COQ10B: variants seen among roughly 807,000 people sequenced by gnomAD.
The protein encoded by COQ10B is coenzyme Q10B.
A neutral mutation model predicts 27.6 loss-of-function variants in COQ10B; 12 were observed. The observed-to-expected ratio is 0.43, with a 90% CI of 0.28 to 0.70. The LOEUF is 0.70. Ranked by LOEUF, COQ10B falls within the 30% of genes least tolerant of loss-of-function variation. The probability of loss-of-function intolerance (pLI) is 0.17; values close to 1 mark genes in which losing one functional copy is unlikely to be tolerated. For synonymous variants in COQ10B, 115 were observed against 103.0 expected (o/e 1.12, Z -0.71); for missense variants, 278 against 288.7 (o/e 0.96, Z 0.27).
At chr2:197,454,284 G>T (rs2085671973) in intron 1 of COQ10B, 1 of 635,704 alleles carries the variant, frequency 1.6e-6, no homozygotes, top group Non-Finnish European at 2.6e-6. Flanking sequence ...TGGAGATGGA[G>T]GTCGGGACAC....
intron 4 of COQ10B, 55 bp from the exon 5 acceptor site, chr2:197,473,702 A>G: frequency 1.5e-6 from 2 of 1,302,320 alleles, no homozygotes; most frequent in Non-Finnish European, 2.0e-6. Flanking sequence ...AACCAAAAAA[A>G]AAAAAAAAGC....
At position 197,453,804 on chromosome 2, in the gene COQ10B, G is replaced by C. The variant is rs894669972; in HGVS notation, c.104+140G>C. 7 of 1,016,798 alleles carry C rather than the reference G, an allele frequency of 6.9e-6. No individual in the cohort carries two copies. In the Admixed American group the frequency reaches 1.5e-4, roughly 22 times the overall value. 63.0% of individuals were successfully genotyped at this position (1,016,798 alleles called of 1,614,324 possible). A position where few individuals can be genotyped will look rare whatever the true frequency, so the allele number is the denominator to read the frequency against. ...TTTAGAGGAGAAGGCTTTTTTTTGCGTTTGGCATCTGAGGGACTCAAGAGC... is the reference window on the plus strand; with the variant it reads ...TTTAGAGGAGAAGGCTTTTTTTTGCCTTTGGCATCTGAGGGACTCAAGAGC... On this transcript the variant is annotated intron_variant, in intron 1 of 4. Transcript: ENST00000263960.
At chr2:197,454,317 A>C (rs1416946783) in intron 1 of COQ10B, 42 of 534,258 alleles carry the variant, frequency 7.9e-5, no homozygotes, top group Non-Finnish European at 2.3e-5. Context: ...TGTACGACTT[A>C]GTTTCCTTTT....
rs781603123 is a variant in COQ10B at position 197,460,079 on chromosome 2, A to C, written c.252A>C (p.Leu84Phe). ...KRKEYSERRI[L>F]GYSMQEMYDV... ...AAGAATATTCAGAGAGAAGAATTTT[A>C]GGGTTCGTATATGATAAGAATTCTA... Residue 84 changes from leucine (L) to phenylalanine (F), a missense_variant and splice_region_variant, in exon 2 of 5, where the codon TTA becomes TTC. Coordinates refer to ENST00000263960, the MANE Select transcript of COQ10B (RefSeq NM_025147.5). 1 of 1,603,046 alleles carries C rather than the reference A, an allele frequency of 6.2e-7. No individual in the cohort carries two copies. Among genetic ancestry groups the C allele is most frequent in the Admixed American group, 1.7e-5 (1 of 59,186 alleles).
intron 1 of COQ10B, among the ~76,000 whole-genome samples, chr2:197,455,810 A>G (rs919293561): frequency 6.6e-6 from 1 of 152,156 alleles, no homozygotes; most frequent in Non-Finnish European, 1.5e-5. Flanking sequence ...TAAGTAAAAA[A>G]TTGGCAGGGC....
Position 197,453,623 on chromosome 2 carries a change from G to C in COQ10B, c.63G>C (p.Ser21=). 1 of 1,613,932 alleles carries C rather than the reference G, an allele frequency of 6.2e-7. No homozygotes were observed. The highest frequency in any genetic ancestry group is 8.5e-7 in the Non-Finnish European group (1 of 1,179,958). The change falls in exon 1 of 5, where the codon TCG becomes TCC. Residue 21 remains serine (S), a synonymous_variant. Transcript: ENST00000263960. ...RRVVSGCRPK[S]ATAAGAQAPV... Reference sequence around the variant, plus strand: ...TAGTCTCGGGATGCCGTCCGAAGTCGGCGACAGCGGCCGGGGCGCAGGCGC... The same window carrying C: ...TAGTCTCGGGATGCCGTCCGAAGTCCGCGACAGCGGCCGGGGCGCAGGCGC...
intron 1 of COQ10B, among the ~76,000 whole-genome samples, chr2:197,458,987 T>C (rs1325992484): frequency 1.3e-5 from 2 of 152,132 alleles, no homozygotes; most frequent in Non-Finnish European, 2.9e-5. Flanking sequence ...GTCACTTATG[T>C]AATAATCTTA....
intron 4 of COQ10B, among the ~76,000 whole-genome samples, chr2:197,472,815 A>G (rs1364904236): frequency 1.3e-5 from 2 of 151,382 alleles, no homozygotes; most frequent in Admixed American, 6.6e-5. Context: ...AAAAAAAAAA[A>G]AAAAAAGAAA....
At chr2:197,466,942 C>A (rs1465065502) in intron 3 of COQ10B, among the ~76,000 whole-genome samples, 1 of 150,408 alleles carries the variant, frequency 6.6e-6, no homozygotes, top group Non-Finnish European at 1.5e-5. Flanking sequence ...GGTTCAGTTT[C>A]CAGATTTTTT....
intron 1 of COQ10B, among the ~76,000 whole-genome samples, chr2:197,455,054 A>G (rs2085681591): frequency 6.6e-6 from 1 of 152,116 alleles, no homozygotes. Context: ...TGATCAGAAA[A>G]TGTCCTGTTA....
At chr2:197,471,277 G>C (rs1446929278) in intron 4 of COQ10B, among the ~76,000 whole-genome samples, 1 of 151,824 alleles carries the variant, frequency 6.6e-6, no homozygotes, top group Non-Finnish European at 1.5e-5. Flanking sequence ...CGAGTAGCTG[G>C]GACTACAGGA....
At position 197,459,936 on chromosome 2, in the gene COQ10B, T is replaced by G. The variant is rs1205976414; in HGVS notation, c.109T>G (p.Leu37Val). 1 of 1,582,924 alleles carries G rather than the reference T, an allele frequency of 6.3e-7. No individual in the cohort carries two copies. Among genetic ancestry groups the G allele is most frequent in the South Asian group, 1.2e-5 (1 of 84,328 alleles). ...AQAPVRNGRY[L>V]ASCGILMSRT... Reference sequence around the variant, plus strand: ...AGGTGATTTTTGTCTTTTCAGATATTTAGCTTCCTGTGGTATACTGATGAG... The same window carrying G: ...AGGTGATTTTTGTCTTTTCAGATATGTAGCTTCCTGTGGTATACTGATGAG... The change falls in exon 2 of 5, where the codon TTA becomes GTA. Residue 37 changes from leucine (L) to valine (V), a missense_variant. By Grantham distance (32) the Leu-to-Val change is conservative. Coordinates refer to ENST00000263960, the MANE Select transcript of COQ10B (RefSeq NM_025147.5).
intron 3 of COQ10B, among the ~76,000 whole-genome samples, chr2:197,468,461 AAGT>A (rs1186475721): frequency 6.6e-5 from 10 of 151,654 alleles, no homozygotes; most frequent in African/African-American, 1.9e-4. Flanking sequence ...AAAAAAAAAA[AAGT>A]AGTCAGAGGA....
chr2:197,459,126 A>G (rs1379882149), intron 1 of COQ10B, among the ~76,000 whole-genome samples: 1 of 152,194 alleles, frequency 6.6e-6, no homozygotes, highest in Non-Finnish European at 1.5e-5. Flanking sequence ...TGGAGACTGC[A>G]AGGTAAAGGA....
intron 4 of COQ10B, 35 bp from the exon 5 acceptor site, chr2:197,473,721 AT>A: frequency 7.3e-7 from 1 of 1,367,326 alleles, no homozygotes; most frequent in East Asian, 2.7e-5. Flanking sequence ...GCAAAAAATA[AT>A]TTTTTCTAAA....
chr2:197,470,843 C>T (rs1381021791), intron 4 of COQ10B, among the ~76,000 whole-genome samples: 5 of 152,076 alleles, frequency 3.3e-5, no homozygotes, highest in Admixed American at 6.6e-5. Context: ...TGCAGTGAGC[C>T]GAGATCGTGC....
Position 197,453,596 on chromosome 2 carries a change from G to A in COQ10B, c.36G>A (p.Arg12=). The change falls in exon 1 of 5, where the codon AGG becomes AGA. Residue 12 remains arginine (R), a synonymous_variant. Transcript: ENST00000263960. ...GGACTGGTCATACGGCCTTGAGAAG[G>A]GTAGTCTCGGGATGCCGTCCGAAGT... The part of the protein sequence containing the change: ...AARTGHTALR[R]VVSGCRPKSA... 1 of 1,614,090 alleles carries A rather than the reference G, an allele frequency of 6.2e-7. No individual in the cohort carries two copies.
chr2:197,462,433 T>C, intron 2 of COQ10B, 106 bp from the exon 3 acceptor site: 3 of 619,072 alleles, frequency 4.8e-6, no homozygotes, highest in Non-Finnish European at 8.2e-6. Flanking sequence ...TGCTGAATGA[T>C]TTATTTATCA....
At position 197,473,069 on chromosome 2, in the gene COQ10B, T is replaced by G. The variant is rs544528396; in HGVS notation, c.550-688T>G. On this transcript the variant is annotated intron_variant, in intron 4 of 4. Transcript: ENST00000263960. ...TTATTAAGAAACAGACTTTTTCCCT[T>G]GAAATGAGATTTCATTGGCCTTCTT... Among the ~76,000 whole-genome samples the G allele has an allele frequency of 2.0e-5, 3 of 152,262 alleles. No individual in the cohort carries two copies. In the East Asian group the frequency reaches 5.8e-4, roughly 29 times the overall value.
Sources: gnomAD v4.1 joint callset for allele counts (sites outside exome capture counted in the v4.1 genomes callset) on GRCh38, gnomAD v4.1.1 for gene constraint, MANE v1.5 for transcripts, NCBI Gene and HGNC (gene_info 2026-07-23, HGNC 2026-07-21) for gene names.